The following ANO3 variants were observed in gnomAD, a reference collection of about 807,000 sequenced individuals.
The protein encoded by ANO3 is anoctamin-3.
A neutral mutation model predicts 144.8 loss-of-function variants in ANO3; 99 were observed. The ratio of observed to expected loss-of-function variants is 0.68; its 90% CI spans 0.58 to 0.81. The LOEUF is 0.81. Ranked by LOEUF, ANO3 falls within the 30% of genes least tolerant of loss-of-function variation. The probability of loss-of-function intolerance (pLI) is 0.00; values close to 1 mark genes in which losing one functional copy is unlikely to be tolerated. For synonymous variants in ANO3, 414 were observed against 392.6 expected (o/e 1.05, Z -0.64); for missense variants, 905 against 1,202.2 (o/e 0.75, Z 3.66).
chr11:26,313,487 C>G (rs1487717015), intron 1 of ANO3, among the ~76,000 whole-genome samples: 2 of 152,044 alleles, frequency 1.3e-5, no homozygotes, highest in African/African-American at 4.8e-5. Context: ...GAGCTCGAGA[C>G]CATCCTGGCC....
chr11:26,271,919 G>A (rs1291349601), intron 1 of ANO3, among the ~76,000 whole-genome samples: 2 of 152,114 alleles, frequency 1.3e-5, no homozygotes, highest in Non-Finnish European at 2.9e-5. Flanking sequence ...AAATGAATTA[G>A]AAAGGGCTAG....
chr11:26,390,224 A>G (rs1056746706), intron 1 of ANO3, among the ~76,000 whole-genome samples: 1 of 152,142 alleles, frequency 6.6e-6, no homozygotes, highest in Non-Finnish European at 1.5e-5. Context: ...TTACAAAACT[A>G]TACACTCAAA....
At chr11:26,376,042 G>C (rs1856397138) in intron 1 of ANO3, among the ~76,000 whole-genome samples, 1 of 151,990 alleles carries the variant, frequency 6.6e-6, no homozygotes, top group South Asian at 2.1e-4. Flanking sequence ...ATGGTAAAGG[G>C]AATAACCTAC....
intron 14 of ANO3, among the ~76,000 whole-genome samples, chr11:26,585,904 A>T (rs1351162103): frequency 6.6e-6 from 1 of 152,198 alleles, no homozygotes; most frequent in Non-Finnish European, 1.5e-5. Context: ...TGTTAAGAGA[A>T]TGGGTGTTAT....
At chr11:26,604,244 G>A (rs994076739) in intron 17 of ANO3, among the ~76,000 whole-genome samples, 1 of 152,102 alleles carries the variant, frequency 6.6e-6, no homozygotes, top group Non-Finnish European at 1.5e-5. Flanking sequence ...TTATTTCTGA[G>A]GTCTCTGTAC....
intron 14 of ANO3, among the ~76,000 whole-genome samples, chr11:26,573,132 G>A (rs901143996): frequency 1.3e-5 from 2 of 152,172 alleles, no homozygotes; most frequent in Admixed American, 1.3e-4. Context: ...GCTGCACAAG[G>A]AGATAGGTTT....
At chr11:26,342,068 C>T (rs949941428) in intron 1 of ANO3, among the ~76,000 whole-genome samples, 2 of 152,166 alleles carry the variant, frequency 1.3e-5, no homozygotes, top group Non-Finnish European at 2.9e-5. Flanking sequence ...TTAACCCAGT[C>T]AAGTTGACAC....
chr11:26,578,083 T>A (rs1368207389), intron 14 of ANO3, among the ~76,000 whole-genome samples: 1 of 152,086 alleles, frequency 6.6e-6, no homozygotes, highest in Non-Finnish European at 1.5e-5. Flanking sequence ...AAGATAGAGA[T>A]CAAAGAACTG....
intron 9 of ANO3, among the ~76,000 whole-genome samples, chr11:26,534,984 G>C (rs1260560433): frequency 1.3e-5 from 1 of 74,258 alleles, no homozygotes; most frequent in African/African-American, 3.8e-5. Context: ...TAAAAGTTAT[G>C]TTTCATTTAT....
chr11:26,202,317 T>C (rs1015052938), intron 1 of ANO3, among the ~76,000 whole-genome samples: 11 of 146,140 alleles, frequency 7.5e-5, no homozygotes, highest in East Asian at 3.9e-4. Flanking sequence ...ATATATCATA[T>C]AGATACATAT....
Position 26,443,092 on chromosome 11 carries a change from C to T in ANO3, c.242-673C>T, listed in dbSNP as rs115815373. 9.6e-3 allele frequency among the ~76,000 whole-genome samples: 1,458 copies of T among 152,072 alleles called. 12 individuals carry two copies. Among genetic ancestry groups the T allele is most frequent in the African/African-American group, 0.033 (1,358 of 41,470 alleles). ...TTTTTATTTTTCAATCCTTTTGTTG[C>T]TTTTTCTTATAAGAATGCAGTCCCT... On this transcript the variant is annotated intron_variant, in intron 2 of 26. Coordinates refer to ENST00000256737, the MANE Select transcript of ANO3 (RefSeq NM_031418.4).
chr11:26,357,122 C>T (rs1408171566), intron 1 of ANO3, among the ~76,000 whole-genome samples: 1 of 152,150 alleles, frequency 6.6e-6, no homozygotes, highest in African/African-American at 2.4e-5. Context: ...TATCCATTCA[C>T]CTTTGATGGT....
intron 16 of ANO3, among the ~76,000 whole-genome samples, 198 bp from the exon 17 acceptor site, chr11:26,599,352 T>C (rs1851728557): frequency 6.6e-6 from 1 of 152,236 alleles, no homozygotes; most frequent in Non-Finnish European, 1.5e-5. Context: ...TTTGTTATCA[T>C]ACTAAAACAA....
intron 14 of ANO3, chr11:26,560,006 C>T (rs1438409360): frequency 2.6e-6 from 1 of 381,064 alleles, no homozygotes; most frequent in Non-Finnish European, 4.7e-6. Flanking sequence ...GACTTTCCTA[C>T]ATCAAGGAAC....
At chr11:26,431,358 G>T (rs1858083089) in intron 1 of ANO3, among the ~76,000 whole-genome samples, 1 of 152,276 alleles carries the variant, frequency 6.6e-6, no homozygotes, top group South Asian at 2.1e-4. Flanking sequence ...CTGAGATTTG[G>T]GGTATGGCCC....
intron 1 of ANO3, among the ~76,000 whole-genome samples, chr11:26,363,630 C>T (rs1017086285): frequency 6.6e-6 from 1 of 152,088 alleles, no homozygotes; most frequent in African/African-American, 2.4e-5. Context: ...AGTTAGGCTT[C>T]AACATAAAGT....
At chr11:26,194,488 A>G (rs867856632) in intron 1 of ANO3, among the ~76,000 whole-genome samples, 579 of 22,888 alleles carry the variant, frequency 0.025, 4 homozygotes, top group African/African-American at 0.048. Flanking sequence ...GTGTGTGTGT[A>G]TTATTTATTT....
intron 1 of ANO3, among the ~76,000 whole-genome samples, chr11:26,386,187 C>A (rs1217182126): frequency 6.6e-6 from 1 of 151,906 alleles, no homozygotes; most frequent in African/African-American, 2.4e-5. Flanking sequence ...CAGGCCAAAT[C>A]CAGAAGATTT....
At chr11:26,275,355 C>G (rs1853533841) in intron 1 of ANO3, among the ~76,000 whole-genome samples, 1 of 152,144 alleles carries the variant, frequency 6.6e-6, no homozygotes, top group South Asian at 2.1e-4. Flanking sequence ...GCTACACTCT[C>G]ACTAGAGTGA....
Sources: allele counts gnomAD v4.1 joint callset (sites outside exome capture counted in the v4.1 genomes callset), GRCh38; gene constraint gnomAD v4.1.1; transcripts MANE v1.5; gene names NCBI Gene and HGNC (gene_info 2026-07-23, HGNC 2026-07-21).